Variants in CHUK observed in about 807,000 individuals in gnomAD.
CHUK encodes inhibitor of nuclear factor kappa-B kinase subunit alpha.
In CHUK, 35 loss-of-function variants were observed where a neutral mutation model predicts 104.8. That is an observed-to-expected ratio of 0.33 (90% CI 0.26 to 0.44). The LOEUF (loss-of-function observed/expected upper bound fraction) is 0.44. CHUK is among the 20% of genes least tolerant of loss of function. The probability of loss-of-function intolerance (pLI) is 1.00; values close to 1 mark genes in which losing one functional copy is unlikely to be tolerated. For synonymous variants in CHUK, 276 were observed against 291.9 expected (o/e 0.95, Z 0.56); for missense variants, 663 against 902.7 (o/e 0.73, Z 3.40).
At chr10:100,229,296 G>A (rs1398554554) in intron 1 of CHUK, 132 bp downstream of exon 1, 1 of 718,828 alleles carries the variant, frequency 1.4e-6, no homozygotes, top group Admixed American at 2.0e-5. Context: ...ACACACACAA[G>A]CCCACTGGCC....
In CHUK at chr10:100,202,121, T is replaced by C. The variant is rs1271993553; in HGVS notation, c.1536A>G (p.Lys512=). 6.2e-7 allele frequency: 1 copy of C among 1,612,674 alleles called. No individual in the cohort carries two copies. The highest frequency in any genetic ancestry group is 8.5e-7 in the Non-Finnish European group (1 of 1,178,976). The change falls in exon 14 of 21, where the codon AAA becomes AAG. Residue 512 remains lysine, a synonymous_variant. Transcript: ENST00000370397. Reference sequence around the variant, plus strand: ...AGTGGATGGCCTTTTCTTCCATTTCTTTCCATGCTTTTAGCATTTTTTCTG... The same window carrying C: ...AGTGGATGGCCTTTTCTTCCATTTCCTTCCATGCTTTTAGCATTTTTTCTG... The part of the protein sequence containing the change: ...ISSEKMLKAW[K]EMEEKAIHYA...
chr10:100,214,474 AG>A (rs1283480488), intron 9 of CHUK, among the ~76,000 whole-genome samples: 1 of 152,258 alleles, frequency 6.6e-6, no homozygotes, highest in African/African-American at 2.4e-5. Context: ...CACTTCATAA[AG>A]GAGGCACTAC....
chr10:100,196,668 T>C (rs1564830423), intron 16 of CHUK, among the ~76,000 whole-genome samples: 1 of 152,180 alleles, frequency 6.6e-6, no homozygotes, highest in Non-Finnish European at 1.5e-5. Flanking sequence ...CCCAAAGCGC[T>C]AGTATCACAG....
chr10:100,197,441 C>T (rs753087420), intron 16 of CHUK, among the ~76,000 whole-genome samples: 12 of 152,122 alleles, frequency 7.9e-5, no homozygotes, highest in Non-Finnish European at 1.8e-4. Flanking sequence ...AGTTCTCAAA[C>T]TTTTTGGTCT....
At chr10:100,221,145 G>GA (rs1233846345) in intron 4 of CHUK, among the ~76,000 whole-genome samples, 1 of 152,096 alleles carries the variant, frequency 6.6e-6, no homozygotes, top group Non-Finnish European at 1.5e-5. Context: ...TCACCCTGAA[G>GA]AGTTGACTTG....
chr10:100,218,200 G>A, intron 8 of CHUK, 70 bp from the exon 9 acceptor site: 1 of 1,390,620 alleles, frequency 7.2e-7, no homozygotes, highest in East Asian at 2.3e-5. Context: ...CTGTTAGAAA[G>A]GTAATTTTGC....
At chr10:100,227,354 TAA>T (rs1846128429) in intron 1 of CHUK, among the ~76,000 whole-genome samples, 1 of 152,184 alleles carries the variant, frequency 6.6e-6, no homozygotes, top group South Asian at 2.1e-4. Context: ...CACTTAAAAA[TAA>T]AGTGATAAAT....
At chr10:100,204,949 A>C in intron 12 of CHUK, 127 bp downstream of exon 12, 1 of 1,092,018 alleles carries the variant, frequency 9.2e-7, no homozygotes, top group South Asian at 1.3e-5. Flanking sequence ...TTATCAGAAC[A>C]TTACACTTCA....
intron 9 of CHUK, among the ~76,000 whole-genome samples, chr10:100,211,353 C>A (rs1423701837): frequency 2.0e-5 from 3 of 152,108 alleles, no homozygotes; most frequent in Non-Finnish European, 4.4e-5. Context: ...TTTTGATATA[C>A]GTTGTGAAAT....
Position 100,229,586 on chromosome 10 carries a change from G to A in CHUK, c.-54C>T, listed in dbSNP as rs537205281. ...CCACAGTTGTTCCAAGGCCGGTTCCGGGCCGCCGATGCTCGCGCGTCTTTG... is the reference window on the plus strand; with the variant it reads ...CCACAGTTGTTCCAAGGCCGGTTCCAGGCCGCCGATGCTCGCGCGTCTTTG... On this transcript the variant is annotated 5_prime_UTR_variant, in exon 1 of 21. Transcript: ENST00000370397. The A allele has an allele frequency of 1.4e-5, 16 of 1,136,534 alleles. No homozygotes were observed. Among genetic ancestry groups the A allele is most frequent in the Admixed American group, 2.4e-5 (1 of 40,852 alleles). 70.4% of individuals were successfully genotyped at this position (1,136,534 alleles called of 1,614,324 possible).
rs1564832962 is a variant in CHUK, at chr10:100,202,091, A to G, written c.1566T>C (p.Ala522=). 1 of 1,608,232 alleles carries G rather than the reference A, an allele frequency of 6.2e-7. No homozygotes were observed. Among genetic ancestry groups the G allele is most frequent in the Non-Finnish European group, 8.5e-7 (1 of 1,174,960 alleles). The change falls in exon 14 of 21, where the codon GCT becomes GCC. Residue 522 remains alanine, a synonymous_variant. Transcript: ENST00000370397. ...AGAATGACGTCAATGATTTTACCTC[A>G]GCATAGTGGATGGCCTTTTCTTCCA... The part of the protein sequence containing the change: ...KEMEEKAIHY[A]EVGVIGYLED...
chr10:100,188,218 C>T (rs911898190), downstream of CHUK: 1 of 152,350 alleles, frequency 6.6e-6, no homozygotes, highest in Non-Finnish European at 1.5e-5. Context: ...TTGCCCAATA[C>T]TACCTTTACC....
chr10:100,198,698 A>G (rs1564831333), intron 16 of CHUK, among the ~76,000 whole-genome samples: 3 of 152,234 alleles, frequency 2.0e-5, no homozygotes, highest in Non-Finnish European at 4.4e-5. Flanking sequence ...AGTAAAATAA[A>G]AGCAGTATAA....
intron 1 of CHUK, among the ~76,000 whole-genome samples, chr10:100,228,429 G>A (rs1040610053): frequency 6.6e-6 from 1 of 152,168 alleles, no homozygotes; most frequent in African/African-American, 2.4e-5. Flanking sequence ...TGAGACAGGT[G>A]GATCGCCTGA....
chr10:100,218,770 A>C lies in CHUK; in HGVS notation c.745T>G (p.Ser249Ala). 1 of 1,614,012 alleles carries C rather than the reference A, an allele frequency of 6.2e-7. No homozygotes were observed. The highest frequency in any genetic ancestry group is 1.1e-5 in the South Asian group (1 of 91,072). Residue 249 changes from serine (S) to alanine (A), a missense_variant, in exon 8 of 21, where the codon TCA becomes GCA. Transcript: ENST00000370397. ...PKCIFACEEM[S>A]GEVRFSSHLP... ...TGGCTACTAAACCGAACTTCTCCTG[A>C]CATCTCTTCACATGCAAATATACAC...
chr10:100,209,428 T>C (rs1270023502), intron 10 of CHUK, among the ~76,000 whole-genome samples, 167 bp downstream of exon 10: 1 of 152,190 alleles, frequency 6.6e-6, no homozygotes, highest in African/African-American at 2.4e-5. Flanking sequence ...AAATGTTTCA[T>C]TTCTATCCTG....
At chr10:100,201,185 G>T (rs1187722057) in intron 14 of CHUK, among the ~76,000 whole-genome samples, 1 of 152,090 alleles carries the variant, frequency 6.6e-6, no homozygotes, top group African/African-American at 2.4e-5. Flanking sequence ...AAAAGATAAA[G>T]AACTTGGATT....
chr10:100,226,410 C>A (rs761388672), intron 1 of CHUK, among the ~76,000 whole-genome samples: 10 of 152,172 alleles, frequency 6.6e-5, no homozygotes, highest in Non-Finnish European at 1.0e-4. Context: ...TAATTCAGGG[C>A]TTCCTGGACT....
In CHUK at chr10:100,204,355, A is replaced by G. The variant is rs115005526; in HGVS notation, c.1507+151T>C. ...AAATTTAAAAAAAGAGGTAACATTCAAAACAAACATGGTTTATGTTAATTT... is the reference window on the plus strand; with the variant it reads ...AAATTTAAAAAAAGAGGTAACATTCGAAACAAACATGGTTTATGTTAATTT... On this transcript the variant is annotated intron_variant, in intron 13 of 20. Coordinates refer to ENST00000370397, the MANE Select transcript of CHUK (RefSeq NM_001278.5). The G allele has an allele frequency of 6.7e-4, 454 of 674,906 alleles. 1 individual carries two copies. In the African/African-American group the frequency reaches 7.6e-3, roughly 11 times the overall value. 41.8% of individuals were successfully genotyped at this position (674,906 alleles called of 1,614,324 possible). A position where few individuals can be genotyped will look rare whatever the true frequency, so the allele number is the denominator to read the frequency against.
Sources: gnomAD v4.1 joint callset for allele counts (sites outside exome capture counted in the v4.1 genomes callset) on GRCh38, gnomAD v4.1.1 for gene constraint, MANE v1.5 for transcripts, NCBI Gene and HGNC (gene_info 2026-07-23, HGNC 2026-07-21) for gene names.